CDH13: variants seen among roughly 807,000 people sequenced by gnomAD.
CDH13 encodes the protein cadherin 13, also known as cadherin-13.
A neutral mutation model predicts 63.8 loss-of-function variants in CDH13; 24 were observed. The observed-to-expected ratio is 0.38, with a 90% CI of 0.27 to 0.53. The LOEUF (loss-of-function observed/expected upper bound fraction) is 0.53, where lower values mean the gene tolerates loss of function less well. CDH13 is among the 20% of genes least tolerant of loss of function. The pLI is 0.85. For synonymous variants in CDH13, 503 were observed against 355.3 expected (o/e 1.42, Z -4.67); for missense variants, 1,049 against 903.1 (o/e 1.16, Z -2.07).
rs1378293373 is a variant in CDH13, at chr16:83,781,929, TA to T, written c.1916-1314del. 2.4e-3 allele frequency among the ~76,000 whole-genome samples: 335 copies of T among 136,954 alleles called. 2 individuals carry two copies. The highest frequency in any genetic ancestry group is 5.3e-3 in the African/African-American group (194 of 36,610). 89.8% of individuals were successfully genotyped at this position (136,954 alleles called of 152,430 possible). On this transcript the variant is annotated intron_variant, in intron 12 of 13. Transcript: ENST00000567109. ...TGCTCATGTACCCCGGAACTTCAAT[TA>T]AAAAAAAAAAGAAGAAAAAAAAAAA... is the stretch of plus-strand genomic sequence containing the variant.
chr16:82,715,754 A>C (rs1442867998), intron 1 of CDH13, among the ~76,000 whole-genome samples: 1 of 152,200 alleles, frequency 6.6e-6, no homozygotes, highest in Admixed American at 6.5e-5. Context: ...AATGACATGC[A>C]GCACGAAGCA....
At chr16:83,401,685 C>T (rs1396041879) in intron 6 of CDH13, among the ~76,000 whole-genome samples, 2 of 151,952 alleles carry the variant, frequency 1.3e-5, no homozygotes, top group East Asian at 3.9e-4. Context: ...AAAATAGAGG[C>T]ACCAAGAGGA....
At chr16:82,817,699 G>T (rs907853486) in intron 1 of CDH13, among the ~76,000 whole-genome samples, 3 of 152,110 alleles carry the variant, frequency 2.0e-5, no homozygotes, top group Non-Finnish European at 4.4e-5. Context: ...CAGCTACTCA[G>T]GAGGCTGAGG....
chr16:83,331,578 T>TAA (rs1399646696), intron 5 of CDH13, among the ~76,000 whole-genome samples: 1 of 152,232 alleles, frequency 6.6e-6, no homozygotes, highest in Non-Finnish European at 1.5e-5. Flanking sequence ...ATTTCTTTTT[T>TAA]AACTTTGAAA....
chr16:83,672,000 C>G (rs1415888928), intron 9 of CDH13, among the ~76,000 whole-genome samples: 1 of 152,136 alleles, frequency 6.6e-6, no homozygotes, highest in East Asian at 1.9e-4. Flanking sequence ...AACACATTTT[C>G]TTTTCTAGTG....
chr16:83,411,611 T>A (rs1393094474), intron 6 of CDH13, among the ~76,000 whole-genome samples: 1 of 152,218 alleles, frequency 6.6e-6, no homozygotes, highest in East Asian at 1.9e-4. Flanking sequence ...TACTTTTAAT[T>A]GTGATGGCTC....
At chr16:83,430,375 G>A (rs181281050) in intron 6 of CDH13, among the ~76,000 whole-genome samples, 43 of 152,176 alleles carry the variant, frequency 2.8e-4, no homozygotes, top group African/African-American at 9.2e-4. Flanking sequence ...CAGAAAACAG[G>A]GCATAAGGAA....
At chr16:83,199,215 C>T (rs2038958379) in intron 4 of CDH13, among the ~76,000 whole-genome samples, 1 of 152,216 alleles carries the variant, frequency 6.6e-6, no homozygotes, top group Non-Finnish European at 1.5e-5. Context: ...CCCACGGTGC[C>T]ATGTGGGCTT....
intron 5 of CDH13, among the ~76,000 whole-genome samples, chr16:83,316,026 G>T (rs2090097774): frequency 6.6e-6 from 1 of 152,178 alleles, no homozygotes; most frequent in Non-Finnish European, 1.5e-5. Context: ...GGCTTAGGAG[G>T]CCTCAGGAAG....
At chr16:83,571,490 G>A (rs964919997) in intron 7 of CDH13, among the ~76,000 whole-genome samples, 1 of 152,106 alleles carries the variant, frequency 6.6e-6, no homozygotes, top group African/African-American at 2.4e-5. Context: ...CAGAATCTAA[G>A]TTTAAGCAAA....
At chr16:83,120,536 C>T (rs2035517732) in intron 3 of CDH13, among the ~76,000 whole-genome samples, 1 of 152,140 alleles carries the variant, frequency 6.6e-6, no homozygotes, top group Admixed American at 6.5e-5. Flanking sequence ...GGATGAAGCC[C>T]ATTCACCAGT....
chr16:82,995,960 A>G (rs1348611285), intron 2 of CDH13, among the ~76,000 whole-genome samples: 2 of 152,178 alleles, frequency 1.3e-5, no homozygotes, highest in African/African-American at 4.8e-5. Context: ...CTTTATCAAA[A>G]CCATGCATCG....
intron 5 of CDH13, among the ~76,000 whole-genome samples, chr16:83,223,149 T>C (rs1377111858): frequency 6.6e-6 from 1 of 152,224 alleles, no homozygotes; most frequent in Admixed American, 6.5e-5. Flanking sequence ...TGGGTATTTA[T>C]AAAGAAGAGA....
chr16:83,341,930 G>A (rs1419404449), intron 5 of CDH13, among the ~76,000 whole-genome samples: 6 of 150,628 alleles, frequency 4.0e-5, no homozygotes, highest in Non-Finnish European at 8.9e-5. Flanking sequence ...AGCCTCAGCT[G>A]AAACATTCCC....
chr16:82,704,161 G>A (rs541524175), intron 1 of CDH13, among the ~76,000 whole-genome samples: 3 of 152,116 alleles, frequency 2.0e-5, no homozygotes, highest in African/African-American at 7.2e-5. Context: ...AAGAGGTGGG[G>A]GTGGGCATGG....
At chr16:83,055,486 T>C (rs1360240883) in intron 3 of CDH13, among the ~76,000 whole-genome samples, 2 of 151,692 alleles carry the variant, frequency 1.3e-5, no homozygotes, top group South Asian at 2.1e-4. Flanking sequence ...AATACATTTA[T>C]AAAAATTAAT....
At chr16:83,230,306 T>C (rs1045800838) in intron 5 of CDH13, among the ~76,000 whole-genome samples, 3 of 152,158 alleles carry the variant, frequency 2.0e-5, no homozygotes, top group African/African-American at 7.2e-5. Context: ...AAAGGAGATA[T>C]ATTTAGAAAA....
At chr16:82,685,160 C>G (rs1186686752) in intron 1 of CDH13, among the ~76,000 whole-genome samples, 1 of 152,192 alleles carries the variant, frequency 6.6e-6, no homozygotes, top group Non-Finnish European at 1.5e-5. Flanking sequence ...TGATCTTAAT[C>G]TGTTTGAGCT....
intron 5 of CDH13, among the ~76,000 whole-genome samples, chr16:83,229,150 A>G (rs2039932064): frequency 6.6e-6 from 1 of 152,204 alleles, no homozygotes; most frequent in Admixed American, 6.5e-5. Flanking sequence ...GTTCTCAGGA[A>G]GGGAGTGACA....
Sources: allele counts gnomAD v4.1 joint callset (sites outside exome capture counted in the v4.1 genomes callset), GRCh38; gene constraint gnomAD v4.1.1; transcripts MANE v1.5; gene names NCBI Gene and HGNC (gene_info 2026-07-23, HGNC 2026-07-21).